Variants in GLDC observed in about 807,000 individuals in gnomAD.
The protein encoded by GLDC is glycine decarboxylase.
Under a neutral mutation model 121.3 loss-of-function variants are expected in GLDC, and 104 were observed. The ratio of observed to expected loss-of-function variants is 0.86; its 90% confidence interval spans 0.73 to 1.01. The LOEUF (loss-of-function observed/expected upper bound fraction) is 1.01. Ranked by LOEUF, GLDC falls within the 50% of genes least tolerant of loss-of-function variation. GLDC has a pLI of 0.00. For synonymous variants in GLDC, 546 were observed against 480.6 expected, an observed-to-expected ratio of 1.14 and a Z score of -1.78; for missense variants, 1,429 against 1,306.6, an observed-to-expected ratio of 1.09 and a Z score of -1.44.
Position 6,545,829 on chromosome 9 carries a change from C to T in GLDC, c.2569+4974G>A, listed in dbSNP as rs552393968. 2.2e-3 allele frequency among the ~76,000 whole-genome samples: 342 copies of T among 152,072 alleles called. 2 individuals are homozygous for T. Among genetic ancestry groups the T allele is most frequent in the Non-Finnish European group, 4.4e-3 (299 of 67,976 alleles). On this transcript the variant is annotated intron_variant, in intron 21 of 24. Coordinates refer to ENST00000321612, the MANE Select transcript of GLDC (RefSeq NM_000170.3). The stretch of plus-strand genomic sequence containing the variant: ...CTAATTTTTGTATTTTTAGTAGAGA[C>T]GGGGTTTCACCATGTTGGCCTGGCT...
chr9:6,584,702 G>A (rs1431862424), intron 15 of GLDC, among the ~76,000 whole-genome samples: 1 of 152,196 alleles, frequency 6.6e-6, no homozygotes, highest in Non-Finnish European at 1.5e-5. Flanking sequence ...TTCTGCTCAT[G>A]ACCAGAAACA....
rs2129649975 is a variant in GLDC at position 6,536,207 on chromosome 9, C to T, written c.2695G>A (p.Val899Met). The change falls in exon 23 of 25, where the codon GTG becomes ATG. Residue 899 changes from valine (V) to methionine (M), a missense_variant. Transcript: ENST00000321612. ...GFHAPTMSWPVAGTLMVEPTE... is the reference protein window; with the variant it reads ...GFHAPTMSWPMAGTLMVEPTE... ...GGCTCCACCATGAGGGTCCCTGCCA[C>T]AGGCCAGGACATGGTAGGGGCGTGA... 7 of 1,614,054 alleles carry T rather than the reference C, an allele frequency of 4.3e-6. No individual in the cohort carries two copies. The highest frequency in any genetic ancestry group is 1.1e-5 in the South Asian group (1 of 91,034).
intron 15 of GLDC, among the ~76,000 whole-genome samples, chr9:6,585,254 C>A (rs1332084419): frequency 1.3e-5 from 2 of 152,104 alleles, no homozygotes; most frequent in East Asian, 3.9e-4. Flanking sequence ...GAGCTAATAA[C>A]CAGAATTAAA....
chr9:6,612,483 T>G (rs1416100410), intron 3 of GLDC, among the ~76,000 whole-genome samples: 2 of 152,014 alleles, frequency 1.3e-5, no homozygotes, highest in Non-Finnish European at 2.9e-5. Flanking sequence ...CCTGTAACCC[T>G]TGCACTCTGG....
intron 15 of GLDC, among the ~76,000 whole-genome samples, chr9:6,577,217 G>A (rs1245911953): frequency 6.6e-6 from 1 of 152,228 alleles, no homozygotes; most frequent in Non-Finnish European, 1.5e-5. Flanking sequence ...ATTTCATTCT[G>A]CTACTTGGTC....
chr9:6,609,847 C>T (rs1057207971), intron 4 of GLDC, among the ~76,000 whole-genome samples: 7 of 152,236 alleles, frequency 4.6e-5, no homozygotes, highest in African/African-American at 1.7e-4. Flanking sequence ...CTTCCCCAAG[C>T]CAGCACTTCC....
intron 3 of GLDC, among the ~76,000 whole-genome samples, chr9:6,613,119 C>T (rs1272533388): frequency 2.0e-5 from 3 of 152,020 alleles, no homozygotes; most frequent in Non-Finnish European, 2.9e-5. Flanking sequence ...GTTAAAGAAA[C>T]CAGCTACCAT....
At chr9:6,564,901 AATTT>A (rs1425622901) in intron 16 of GLDC, among the ~76,000 whole-genome samples, 1 of 152,180 alleles carries the variant, frequency 6.6e-6, no homozygotes, top group East Asian at 1.9e-4. Context: ...TCTAATGGAG[AATTT>A]ATTTATTCAA....
chr9:6,554,170 T>A (rs1380684712), intron 19 of GLDC, among the ~76,000 whole-genome samples: 3 of 152,208 alleles, frequency 2.0e-5, no homozygotes, highest in African/African-American at 7.2e-5. Context: ...CTAAGAAATA[T>A]TCCTTCAGTC....
intron 1 of GLDC, 61 bp downstream of exon 1, chr9:6,645,184 C>A: frequency 6.8e-7 from 1 of 1,478,244 alleles, no homozygotes; most frequent in Non-Finnish European, 9.1e-7. Context: ...CGGGAGGCCG[C>A]GCAGGCAGAG....
At chr9:6,545,694 G>A (rs924876288) in intron 21 of GLDC, among the ~76,000 whole-genome samples, 6 of 152,164 alleles carry the variant, frequency 3.9e-5, no homozygotes, top group African/African-American at 1.4e-4. Context: ...AGGCTGGAGT[G>A]CAGTGGCGCA....
intron 15 of GLDC, among the ~76,000 whole-genome samples, chr9:6,571,118 G>GATT (rs1441818549): frequency 4.0e-5 from 6 of 151,690 alleles, no homozygotes; most frequent in Non-Finnish European, 7.4e-5. Context: ...ACACAAGCAA[G>GATT]ATTATTCTAA....
At chr9:6,631,391 C>T (rs1249337935) in intron 2 of GLDC, among the ~76,000 whole-genome samples, 1 of 152,192 alleles carries the variant, frequency 6.6e-6, no homozygotes, top group African/African-American at 2.4e-5. Context: ...ACCCTACCAG[C>T]TGTAGCAAAA....
chr9:6,613,362 C>G (rs970404723), intron 3 of GLDC, among the ~76,000 whole-genome samples: 1 of 152,116 alleles, frequency 6.6e-6, no homozygotes, highest in African/African-American at 2.4e-5. Flanking sequence ...CGTGGAGGCT[C>G]ACATCTGTAA....
chr9:6,542,378 C>G (rs899960667), intron 21 of GLDC: 3 of 152,268 alleles, frequency 2.0e-5, no homozygotes, highest in Non-Finnish European at 2.9e-5. Flanking sequence ...GTAGCTGGGA[C>G]TACAGGTGTG....
At chr9:6,577,178 A>G (rs1284119795) in intron 15 of GLDC, among the ~76,000 whole-genome samples, 1 of 152,272 alleles carries the variant, frequency 6.6e-6, no homozygotes, top group Non-Finnish European at 1.5e-5. Flanking sequence ...CCACACGCAG[A>G]GAAATCCAGA....
chr9:6,580,573 C>T (rs965723390), intron 15 of GLDC, among the ~76,000 whole-genome samples: 4 of 152,158 alleles, frequency 2.6e-5, no homozygotes, highest in Admixed American at 6.5e-5. Context: ...AAATCCCTTC[C>T]CCTGCCTTCT....
chr9:6,581,895 T>C (rs1818176520), intron 15 of GLDC, among the ~76,000 whole-genome samples: 1 of 152,048 alleles, frequency 6.6e-6, no homozygotes, highest in Non-Finnish European at 1.5e-5. Flanking sequence ...ATAGGTAATG[T>C]TTGCAAATCA....
At chr9:6,615,081 C>G (rs1389792008) in intron 3 of GLDC, among the ~76,000 whole-genome samples, 1 of 152,166 alleles carries the variant, frequency 6.6e-6, no homozygotes, top group Non-Finnish European at 1.5e-5. Context: ...CTAAACGTCG[C>G]TCTAGCCAAT....
Sources: allele counts gnomAD v4.1 joint callset (sites outside exome capture counted in the v4.1 genomes callset), GRCh38; gene constraint gnomAD v4.1.1; transcripts MANE v1.5; gene names NCBI Gene and HGNC (gene_info 2026-07-23, HGNC 2026-07-21).